Variants in ATP8A2 observed in about 807,000 individuals in gnomAD.
ATP8A2 encodes the protein phospholipid-transporting ATPase IB.
In ATP8A2, 100 loss-of-function variants were observed where a neutral mutation model predicts 165.6. That is an observed-to-expected ratio of 0.60 (90% CI 0.51 to 0.71). The LOEUF is 0.71. Ranked by LOEUF, ATP8A2 falls within the 30% of genes least tolerant of loss-of-function variation. The pLI, the probability that ATP8A2 is intolerant of heterozygous loss-of-function variation, is 0.00. For missense variants in ATP8A2, 1,227 were observed against 1,479.5 expected, an observed-to-expected ratio of 0.83 and a Z score of 2.80; for synonymous variants, 543 against 548.8, an observed-to-expected ratio of 0.99 and a Z score of 0.15.
At chr13:25,649,824 A>G (rs1358233078) in intron 24 of ATP8A2, among the ~76,000 whole-genome samples, 3 of 152,136 alleles carry the variant, frequency 2.0e-5, no homozygotes, top group South Asian at 4.1e-4. Context: ...CACCTCTTCC[A>G]GGAGTGATCA....
chr13:25,971,187 G>GT (rs979845425), intron 35 of ATP8A2, among the ~76,000 whole-genome samples: 4 of 151,806 alleles, frequency 2.6e-5, no homozygotes, highest in Non-Finnish European at 5.9e-5. Flanking sequence ...CCTCCCATTT[G>GT]TTTTTCTCAC....
intron 27 of ATP8A2, among the ~76,000 whole-genome samples, chr13:25,817,997 A>G (rs765080173): frequency 1.1e-4 from 16 of 152,182 alleles, no homozygotes; most frequent in South Asian, 2.1e-4. Context: ...CCTTTTAAAC[A>G]TAACCTAGAT....
At chr13:25,589,545 T>G in intron 23 of ATP8A2, 90 bp from the exon 24 acceptor site, 4 of 939,558 alleles carry the variant, frequency 4.3e-6, no homozygotes, top group Admixed American at 1.8e-5. Context: ...GCCAATAGGC[T>G]TAAAGTGGCA....
chr13:25,596,455 C>T (rs907737271), intron 24 of ATP8A2, among the ~76,000 whole-genome samples: 1 of 152,178 alleles, frequency 6.6e-6, no homozygotes, highest in African/African-American at 2.4e-5. Flanking sequence ...TCCATATCCC[C>T]AGGCAAGCAC....
chr13:25,713,470 G>A (rs1241060100), intron 25 of ATP8A2, among the ~76,000 whole-genome samples: 1 of 152,104 alleles, frequency 6.6e-6, no homozygotes, highest in South Asian at 2.1e-4. Context: ...TGGTGCTACA[G>A]CTTTCATGTA....
At chr13:25,968,815 T>C (rs998506584) in intron 35 of ATP8A2, 136 bp downstream of exon 35, 3 of 682,894 alleles carry the variant, frequency 4.4e-6, no homozygotes, top group Non-Finnish European at 7.6e-6. Context: ...TTTTGGTTAT[T>C]CTCAGATTTA....
At chr13:25,558,581 C>T (rs914127798) in intron 13 of ATP8A2, among the ~76,000 whole-genome samples, 8 of 152,152 alleles carry the variant, frequency 5.3e-5, no homozygotes, top group East Asian at 1.9e-4. Flanking sequence ...CAAGTCCTGA[C>T]GCCTTTTTGG....
At chr13:25,653,916 GC>G (rs1431393273) in intron 24 of ATP8A2, among the ~76,000 whole-genome samples, 2 of 152,144 alleles carry the variant, frequency 1.3e-5, no homozygotes, top group Non-Finnish European at 2.9e-5. Context: ...TCAATTAGGT[GC>G]TGACTGGATG....
At chr13:25,728,392 C>T (rs566019545) in intron 25 of ATP8A2, among the ~76,000 whole-genome samples, 2 of 152,268 alleles carry the variant, frequency 1.3e-5, no homozygotes, top group East Asian at 1.9e-4. Context: ...GCACAATACC[C>T]GGCTAATAAT....
At chr13:25,589,820 TA>T in intron 24 of ATP8A2, 121 bp downstream of exon 24, 2 of 600,720 alleles carry the variant, frequency 3.3e-6, no homozygotes, top group Non-Finnish European at 5.9e-6. Context: ...AAACTGTGTT[TA>T]TTTTCTGTTT....
rs754335677 is a variant in ATP8A2 at position 25,469,153 on chromosome 13, C to G, written c.221+32C>G. 1.9e-5 allele frequency: 31 copies of G among 1,609,440 alleles called. No individual in the cohort carries two copies. The East Asian group carries it at 6.9e-4, about 36-fold the overall frequency. On this transcript the variant is annotated intron_variant, in intron 2 of 36. Coordinates refer to ENST00000381655, the MANE Select transcript of ATP8A2 (RefSeq NM_016529.6). Reference sequence around the variant, plus strand: ...GAAGGCGGCCGGCTCGCGCGGAAGGCGGTGGAGTCACAGCTGGGAAGGGGC... The same window carrying G: ...GAAGGCGGCCGGCTCGCGCGGAAGGGGGTGGAGTCACAGCTGGGAAGGGGC...
rs73472997 is a variant in ATP8A2, at chr13:25,945,074, T to C, written c.3184-16501T>C. ...ATGCCTGAGGCCAGTGTGTCATTGATGAAAACAGGAAATACTAGGGACGGG... is the reference window on the plus strand; with the variant it reads ...ATGCCTGAGGCCAGTGTGTCATTGACGAAAACAGGAAATACTAGGGACGGG... On this transcript the variant is annotated intron_variant, in intron 33 of 36. Coordinates refer to ENST00000381655, the MANE Select transcript of ATP8A2 (RefSeq NM_016529.6). 1.5e-3 allele frequency among the ~76,000 whole-genome samples: 227 copies of C among 152,250 alleles called. 1 individual carries two copies. Among genetic ancestry groups the C allele is most frequent in the African/African-American group, 5.2e-3 (215 of 41,554 alleles).
intron 35 of ATP8A2, among the ~76,000 whole-genome samples, chr13:26,009,863 C>A (rs1956807700): frequency 6.6e-6 from 1 of 152,132 alleles, no homozygotes; most frequent in South Asian, 2.1e-4. Flanking sequence ...GTCAGGAGTT[C>A]AAGACCAGTC....
At chr13:25,540,108 C>T (rs996035766) in intron 7 of ATP8A2, among the ~76,000 whole-genome samples, 4 of 152,202 alleles carry the variant, frequency 2.6e-5, no homozygotes, top group African/African-American at 9.7e-5. Flanking sequence ...AAAGGCAGAT[C>T]ATCTGGGCAA....
chr13:25,751,551 C>G (rs1484716259), intron 25 of ATP8A2, among the ~76,000 whole-genome samples: 2 of 152,102 alleles, frequency 1.3e-5, no homozygotes, highest in Non-Finnish European at 2.9e-5. Context: ...ATCTTCCTGC[C>G]TCAGCCTCCT....
intron 25 of ATP8A2, among the ~76,000 whole-genome samples, chr13:25,746,727 T>C (rs2044040207): frequency 6.6e-6 from 1 of 152,192 alleles, no homozygotes; most frequent in East Asian, 1.9e-4. Context: ...TCTCAAGAGC[T>C]AAAAATCTGT....
chr13:25,531,174 GAT>G (rs369623718), intron 4 of ATP8A2, among the ~76,000 whole-genome samples: 19,085 of 118,102 alleles, frequency 0.16, 1,623 homozygotes, highest in Non-Finnish European at 0.2. Flanking sequence ...TATGTTATAT[GAT>G]ATATATATGT....
intron 23 of ATP8A2, among the ~76,000 whole-genome samples, chr13:25,588,723 C>A (rs2138286267): frequency 6.6e-6 from 1 of 152,274 alleles, no homozygotes; most frequent in Non-Finnish European, 1.5e-5. Context: ...TGCCTTTTCT[C>A]AATGAGAGAG....
intron 2 of ATP8A2, among the ~76,000 whole-genome samples, chr13:25,521,122 G>A (rs940195067): frequency 4.6e-5 from 7 of 152,124 alleles, no homozygotes; most frequent in Non-Finnish European, 8.8e-5. Context: ...AATTAGTTAC[G>A]TTGAGCATTT....
Sources: allele counts gnomAD v4.1 joint callset (sites outside exome capture counted in the v4.1 genomes callset), GRCh38; gene constraint gnomAD v4.1.1; transcripts MANE v1.5; gene names NCBI Gene and HGNC (gene_info 2026-07-23, HGNC 2026-07-21).